Variants in DNAH14 observed in about 807,000 individuals in gnomAD.
The protein encoded by DNAH14 is dynein axonemal heavy chain 14.
Under a neutral mutation model 520.9 loss-of-function variants are expected in DNAH14, and 478 were observed. The observed-to-expected ratio is 0.92, with a 90% CI of 0.85 to 0.99. The LOEUF (loss-of-function observed/expected upper bound fraction) is 0.99. Among genes scored for constraint, DNAH14 ranks in the 50% least tolerant of loss-of-function variants. The pLI is 0.00. For synonymous variants in DNAH14, 1,581 were observed against 1,757.2 expected (o/e 0.90, Z 2.51); for missense variants, 4,831 against 5,234.5 (o/e 0.92, Z 2.38).
At chr1:224,969,888 G>A (rs1458763922) in intron 7 of DNAH14, 1 of 152,518 alleles carries the variant, frequency 6.6e-6, no homozygotes, top group Admixed American at 6.5e-5. Flanking sequence ...TGAGGAGGAT[G>A]TATGTCACCT....
intron 27 of DNAH14, among the ~76,000 whole-genome samples, chr1:225,139,028 A>C (rs74147129): frequency 0.015 from 2,246 of 152,206 alleles, 53 homozygotes; most frequent in African/African-American, 0.051. Flanking sequence ...TAAAATTAAC[A>C]TCATATCCTT....
intron 11 of DNAH14, among the ~76,000 whole-genome samples, chr1:225,035,990 A>G (rs1301948464): frequency 2.6e-5 from 4 of 152,264 alleles, no homozygotes; most frequent in East Asian, 1.9e-4. Context: ...TAATAATTGT[A>G]AGAATTAAAG....
At chr1:224,933,702 T>C (rs570986950) in intron 1 of DNAH14, among the ~76,000 whole-genome samples, 1 of 152,148 alleles carries the variant, frequency 6.6e-6, no homozygotes, top group African/African-American at 2.4e-5. Context: ...GCTTTTGTCC[T>C]TCATTCTATG....
chr1:224,964,486 A>G lies in DNAH14; in HGVS notation c.375A>G (p.Lys125=). Residue 125 remains lysine (K), a synonymous_variant, in exon 5 of 86, where the codon AAA becomes AAG. Transcript: ENST00000682510. ...TAAATTGTTCTATACCAGAACCAAA[A>G]GATGATGATGTGATAAGAAATATTA... is the stretch of plus-strand genomic sequence containing the variant. ...RPVSYDRTEP[K]DDDVIRNIIR... is the part of the protein sequence containing the mutation. 1.2e-6 allele frequency: 2 copies of G among 1,608,214 alleles called. No individual in the cohort carries two copies. The highest frequency in any genetic ancestry group is 1.7e-6 in the Non-Finnish European group (2 of 1,176,728).
At chr1:225,320,884 T>C (rs546185214) in intron 61 of DNAH14, among the ~76,000 whole-genome samples, 12 of 152,368 alleles carry the variant, frequency 7.9e-5, no homozygotes, top group African/African-American at 2.6e-4. Context: ...ACAGTCAGTT[T>C]AATCCTGTTT....
At chr1:225,102,648 T>C (rs1258170889) in intron 23 of DNAH14, among the ~76,000 whole-genome samples, 3 of 152,236 alleles carry the variant, frequency 2.0e-5, no homozygotes, top group Non-Finnish European at 4.4e-5. Flanking sequence ...CCAGTGATGA[T>C]GAGCATTTTT....
intron 17 of DNAH14, among the ~76,000 whole-genome samples, chr1:225,058,139 G>A (rs1046941735): frequency 1.1e-4 from 16 of 152,230 alleles, no homozygotes; most frequent in African/African-American, 2.4e-4. Flanking sequence ...GGTAGAATTC[G>A]GCTGTGAAAC....
At chr1:225,240,116 T>C (rs879501313) in intron 42 of DNAH14, among the ~76,000 whole-genome samples, 1 of 152,154 alleles carries the variant, frequency 6.6e-6, no homozygotes, top group African/African-American at 2.4e-5. Context: ...GAATGACTAT[T>C]CACTTATGTC....
At position 225,079,599 on chromosome 1, in the gene DNAH14, T is replaced by C. The variant is rs73133542; in HGVS notation, c.2766+51T>C. ...TTTTTTTTTATTAAAAACTTGATCT[T>C]AGTCTCGTAAGTCCAGGCATTTGGG... On this transcript the variant is annotated intron_variant, in intron 18 of 85. Coordinates refer to ENST00000682510, the MANE Select transcript of DNAH14 (RefSeq NM_001367479.1). 9,338 of 1,398,246 alleles carry C rather than the reference T, an allele frequency of 6.7e-3. 490 individuals carry two copies. In the African/African-American group the frequency reaches 0.12, roughly 18 times the overall value. The allele number at this position is 1,398,246 out of a possible 1,614,324, so 86.6% of individuals were successfully genotyped here. A position where few individuals can be genotyped will look rare whatever the true frequency, so the allele number is the denominator to read the frequency against.
intron 27 of DNAH14, among the ~76,000 whole-genome samples, chr1:225,126,089 A>G (rs2148910986): frequency 6.6e-6 from 1 of 152,318 alleles, no homozygotes; most frequent in Admixed American, 6.5e-5. Context: ...TGTCCTCCCA[A>G]ACAATTACAA....
intron 81 of DNAH14, among the ~76,000 whole-genome samples, chr1:225,386,270 G>A: frequency 6.6e-6 from 1 of 152,046 alleles, no homozygotes; most frequent in African/African-American, 2.4e-5. Flanking sequence ...CTAAAACCAT[G>A]AAAACTCTAG....
chr1:224,970,297 G>C (rs888931192), intron 7 of DNAH14, among the ~76,000 whole-genome samples: 1 of 152,098 alleles, frequency 6.6e-6, no homozygotes, highest in Non-Finnish European at 1.5e-5. Flanking sequence ...TGGTGAGACC[G>C]GTTGTCTGCT....
chr1:224,993,209 G>A (rs955926856), intron 8 of DNAH14, among the ~76,000 whole-genome samples: 1 of 151,986 alleles, frequency 6.6e-6, no homozygotes, highest in South Asian at 2.1e-4. Context: ...TCATGATAGT[G>A]CTGGGCCTCA....
At chr1:225,231,936 C>G (rs2149574981) in intron 42 of DNAH14, among the ~76,000 whole-genome samples, 1 of 152,122 alleles carries the variant, frequency 6.6e-6, no homozygotes, top group South Asian at 2.1e-4. Flanking sequence ...ATATAAATAA[C>G]AATACCATAA....
chr1:225,394,089 G>A (rs1025232198), intron 84 of DNAH14, among the ~76,000 whole-genome samples: 2 of 152,176 alleles, frequency 1.3e-5, no homozygotes, highest in Admixed American at 1.3e-4. Flanking sequence ...AAAGTGCTGG[G>A]ATTACAGGCA....
At chr1:224,945,907 C>A (rs147074500) in intron 1 of DNAH14, among the ~76,000 whole-genome samples, 1 of 152,296 alleles carries the variant, frequency 6.6e-6, no homozygotes, top group Non-Finnish European at 1.5e-5. Context: ...CCTACTGGGG[C>A]TGCCTCCCAG....
At chr1:224,965,452 A>G (rs2061105237) in intron 5 of DNAH14, among the ~76,000 whole-genome samples, 1 of 152,082 alleles carries the variant, frequency 6.6e-6, no homozygotes, top group Non-Finnish European at 1.5e-5. Context: ...GGACCAGGTA[A>G]TAAATATTTT....
chr1:225,067,357 A>G (rs1201481078), intron 17 of DNAH14, among the ~76,000 whole-genome samples: 1 of 152,088 alleles, frequency 6.6e-6, no homozygotes, highest in Non-Finnish European at 1.5e-5. Flanking sequence ...TTCTTTATCT[A>G]GTCTATCATT....
rs1309128042 is a variant in DNAH14, at chr1:225,326,105, C to T, written c.9723+1273C>T. Reference sequence around the variant, plus strand: ...CTGATAATAGTTAATGTTTATTTAGCACTTACTGTGTTCCAAGCACAGTGG... The same window carrying T: ...CTGATAATAGTTAATGTTTATTTAGTACTTACTGTGTTCCAAGCACAGTGG... On this transcript the variant is annotated intron_variant, in intron 64 of 85. Transcript: ENST00000682510. Among the ~76,000 whole-genome samples, 3 of 152,286 alleles carry T rather than the reference C, an allele frequency of 2.0e-5. No homozygotes were observed. In the East Asian group the frequency reaches 5.8e-4, roughly 29 times the overall value.
Sources: gnomAD v4.1 joint callset for allele counts (sites outside exome capture counted in the v4.1 genomes callset) on GRCh38, gnomAD v4.1.1 for gene constraint, MANE v1.5 for transcripts, NCBI Gene and HGNC (gene_info 2026-07-23, HGNC 2026-07-21) for gene names.